NDUFA10: variants seen among roughly 807,000 people sequenced by gnomAD.
NDUFA10 encodes NADH:ubiquinone oxidoreductase subunit A10, also known as NADH dehydrogenase [ubiquinone] 1 alpha subcomplex subunit 10, mitochondrial.
In NDUFA10, 40 loss-of-function variants were observed where a neutral mutation model predicts 47.8. That is an observed-to-expected ratio of 0.84 (90% confidence interval 0.65 to 1.09). The LOEUF (loss-of-function observed/expected upper bound fraction) is 1.09. NDUFA10 is among the 50% of genes least tolerant of loss of function. The pLI is 0.00. For synonymous variants in NDUFA10, 183 were observed against 172.2 expected, an observed-to-expected ratio of 1.06 and a Z score of -0.49; for missense variants, 413 against 451.1, an observed-to-expected ratio of 0.92 and a Z score of 0.76.
At chr2:240,015,226 C>T (rs1333452688) in intron 4 of NDUFA10, among the ~76,000 whole-genome samples, 1 of 152,234 alleles carries the variant, frequency 6.6e-6, no homozygotes, top group Admixed American at 6.5e-5. Context: ...AGATCTTTAG[C>T]ACATCTTAGC....
rs1693661647 is a variant in NDUFA10 at position 239,906,688 on chromosome 2, T to C, written c.295-11374A>G. On this transcript the variant is annotated intron_variant, in intron 4 of 5. Coordinates refer to the NDUFA10 transcript ENST00000419408. This position sits in a 1 kb window ranked among gnomAD's most constrained non-coding sequence, Gnocchi z 4.3. Reference sequence around the variant, plus strand: ...ACCCAACCCTAAAGGTGCCTCCTCCTTTCTTCTTGATGAAAAGGTGTGCTG... The same window carrying C: ...ACCCAACCCTAAAGGTGCCTCCTCCCTTCTTCTTGATGAAAAGGTGTGCTG... Among the ~76,000 whole-genome samples, 1 of 152,178 alleles carries C rather than the reference T, an allele frequency of 6.6e-6. No homozygotes were observed. Among genetic ancestry groups the C allele is most frequent in the African/African-American group, 2.4e-5 (1 of 41,448 alleles).
At chr2:239,984,978 G>A (rs1695938416) in intron 9 of NDUFA10, among the ~76,000 whole-genome samples, 1 of 152,330 alleles carries the variant, frequency 6.6e-6, no homozygotes, top group Admixed American at 6.5e-5. Flanking sequence ...CAAAACGGAA[G>A]CCCAGCGTCA....
At chr2:239,917,664 C>T (rs1559279904) in intron 4 of NDUFA10, among the ~76,000 whole-genome samples, 2 of 152,334 alleles carry the variant, frequency 1.3e-5, no homozygotes, top group South Asian at 4.1e-4. Context: ...CCTCTGTATC[C>T]TTGCTTCCAC....
chr2:239,954,175 CTG>C (rs1274346839), downstream of NDUFA10, among the ~76,000 whole-genome samples: 2 of 147,118 alleles, frequency 1.4e-5, no homozygotes, highest in African/African-American at 5.2e-5. Flanking sequence ...TGCCTCAGGG[CTG>C]TGAGACTGGG....
At chr2:239,935,337 A>G (rs1434033827) in intron 4 of NDUFA10, among the ~76,000 whole-genome samples, 2 of 152,202 alleles carry the variant, frequency 1.3e-5, no homozygotes, top group African/African-American at 4.8e-5. Flanking sequence ...CCACTTTTGT[A>G]ATGTGGATGG....
At chr2:239,900,656 G>GGGT (rs1220147997) in intron 4 of NDUFA10, among the ~76,000 whole-genome samples, 1 of 152,104 alleles carries the variant, frequency 6.6e-6, no homozygotes, top group East Asian at 1.9e-4. Context: ...TGACACTGAT[G>GGGT]GGTGGGTGTA....
In NDUFA10 at chr2:239,960,473, G is replaced by C; in HGVS notation, c.*645C>G. 1.0e-6 allele frequency: 1 copy of C among 989,968 alleles called. No homozygotes were observed. Among genetic ancestry groups the C allele is most frequent in the Admixed American group, 5.7e-5 (1 of 17,518 alleles). The allele number at this position is 989,968 out of a possible 1,614,324, so 61.3% of individuals were successfully genotyped here. A position where few individuals can be genotyped will look rare whatever the true frequency, so the allele number is the denominator to read the frequency against. On this transcript the variant is annotated 3_prime_UTR_variant, in exon 10 of 10. Transcript: ENST00000252711. ...TTTGAGACGCTGAGGACGGCCACGT[G>C]AATCTTTCTCAACGTCTCTCTTAAA...
chr2:240,002,737 T>C (rs1370740728), intron 8 of NDUFA10, among the ~76,000 whole-genome samples: 1 of 152,118 alleles, frequency 6.6e-6, no homozygotes, highest in South Asian at 2.1e-4. Flanking sequence ...AGAAAACTGA[T>C]TTTGCAAATA....
In NDUFA10 at chr2:239,894,687, C is replaced by T. The variant is rs67432272; in HGVS notation, c.*14+518G>A. Among the ~76,000 whole-genome samples, 9 of 152,074 alleles carry T rather than the reference C, an allele frequency of 5.9e-5. No individual in the cohort carries two copies. In the East Asian group the frequency reaches 1.3e-3, roughly 23 times the overall value. Reference sequence around the variant, plus strand: ...GCCAATGCCCCCTCCTGCATTCCTCCGTCTCTGTGGCTGTCCCTTCTGACC... The same window carrying T: ...GCCAATGCCCCCTCCTGCATTCCTCTGTCTCTGTGGCTGTCCCTTCTGACC... On this transcript the variant is annotated intron_variant, in intron 5 of 5. Coordinates refer to the NDUFA10 transcript ENST00000419408.
intron 4 of NDUFA10, among the ~76,000 whole-genome samples, chr2:239,944,959 G>A (rs1694421363): frequency 6.6e-6 from 1 of 152,146 alleles, no homozygotes; most frequent in South Asian, 2.1e-4. Flanking sequence ...CCCGCGCCCA[G>A]AGCTCATCTC....
In NDUFA10 at chr2:240,011,707, G is replaced by T; in HGVS notation, c.670-11C>A. ...CTTCATTTCATGTGGCTAAACAGAAGCAGAAAAATCAAACTGGGAAACATT... is the reference window on the plus strand; with the variant it reads ...CTTCATTTCATGTGGCTAAACAGAATCAGAAAAATCAAACTGGGAAACATT... On this transcript the variant is annotated splice_polypyrimidine_tract_variant and intron_variant, in intron 5 of 9. Coordinates refer to ENST00000252711, the MANE Select transcript of NDUFA10 (RefSeq NM_004544.4). 1 of 1,603,958 alleles carries T rather than the reference G, an allele frequency of 6.2e-7. No individual in the cohort carries two copies. Among genetic ancestry groups the T allele is most frequent in the Non-Finnish European group, 8.5e-7 (1 of 1,170,746 alleles).
intron 6 of NDUFA10, among the ~76,000 whole-genome samples, chr2:240,008,942 C>A (rs1697043337): frequency 6.6e-6 from 1 of 152,236 alleles, no homozygotes; most frequent in African/African-American, 2.4e-5. Flanking sequence ...CTCATTCCCA[C>A]TGCCTTGTGA....
intron 6 of NDUFA10, among the ~76,000 whole-genome samples, chr2:240,008,127 A>G (rs1386178020): frequency 6.6e-6 from 1 of 152,202 alleles, no homozygotes; most frequent in Non-Finnish European, 1.5e-5. Flanking sequence ...ATTAAGTCTC[A>G]TCATTACTGA....
rs1694809973 is a variant in NDUFA10 at position 239,960,557 on chromosome 2, CTTAT to C, written c.*557_*560del. The C allele has an allele frequency of 1.0e-6, 1 of 998,322 alleles. No individual in the cohort carries two copies. The highest frequency in any genetic ancestry group is 9.8e-5 in the East Asian group (1 of 10,196). The allele number at this position is 998,322 out of a possible 1,614,324, so 61.8% of individuals were successfully genotyped here. A position where few individuals can be genotyped will look rare whatever the true frequency, so the allele number is the denominator to read the frequency against. On this transcript the variant is annotated 3_prime_UTR_variant, in exon 10 of 10. Transcript: ENST00000252711. ...CCTTTTGCTATTTCTTCTTCACGTTCTTATTTTTTCTACTCTAATGTAGCACATT... is the reference window on the plus strand; with the variant it reads ...CCTTTTGCTATTTCTTCTTCACGTTCTTTTTCTACTCTAATGTAGCACATT...
intron 4 of NDUFA10, among the ~76,000 whole-genome samples, chr2:239,919,078 C>A (rs902441054): frequency 7.2e-5 from 11 of 152,188 alleles, no homozygotes; most frequent in African/African-American, 2.7e-4. Context: ...GGTCTAAGCA[C>A]CATCTTGGGA....
At chr2:239,949,838 C>CT (rs1177459127) in intron 4 of NDUFA10, among the ~76,000 whole-genome samples, 1 of 152,168 alleles carries the variant, frequency 6.6e-6, no homozygotes, top group African/African-American at 2.4e-5. Flanking sequence ...GCACCACTGG[C>CT]TCTCCTGGGT....
chr2:239,932,865 G>A (rs1694200143), intron 4 of NDUFA10, among the ~76,000 whole-genome samples: 1 of 152,214 alleles, frequency 6.6e-6, no homozygotes, highest in East Asian at 1.9e-4. Flanking sequence ...ACAGGTGTGA[G>A]CCACCGCGCC....
At position 239,999,522 on chromosome 2, in the gene NDUFA10, TAGCAGC is replaced by T. The variant is rs1342419159; in HGVS notation, c.890+5682_890+5687del. On this transcript the variant is annotated intron_variant, in intron 8 of 9. Coordinates refer to ENST00000252711, the MANE Select transcript of NDUFA10 (RefSeq NM_004544.4). ...ATCTGATGCTGGACAGCCTCTTCCA[TAGCAGC>T]AGCAGCAGCAGCTCTGGACTCCAAA... 2.6e-5 allele frequency among the ~76,000 whole-genome samples: 4 copies of T among 152,186 alleles called. No homozygotes were observed. The South Asian group carries it at 8.3e-4, about 32-fold the overall frequency.
At position 239,945,908 on chromosome 2, in the gene NDUFA10, T is replaced by C. The variant is rs1395690405; in HGVS notation, c.294+44166A>G. 6.6e-6 allele frequency among the ~76,000 whole-genome samples: 1 copy of C among 151,786 alleles called. No individual in the cohort carries two copies. Among genetic ancestry groups the C allele is most frequent in the African/African-American group, 2.4e-5 (1 of 41,292 alleles). On this transcript the variant is annotated intron_variant, in intron 4 of 5. Transcript: ENST00000419408. The surrounding 1 kb of genome is among the most constrained non-coding windows in gnomAD (Gnocchi z 4.6). ...AACCCAGGTGCCTGGAGCAGGAGGGTGGAAGACACTGCGCTGAGAATGGGA... is the reference window on the plus strand; with the variant it reads ...AACCCAGGTGCCTGGAGCAGGAGGGCGGAAGACACTGCGCTGAGAATGGGA...
Sources: gnomAD v4.1 joint callset for allele counts (sites outside exome capture counted in the v4.1 genomes callset) on GRCh38, gnomAD v4.1.1 for gene constraint, Gnocchi (gnomAD v3.1) non-coding constraint, MANE v1.5 for transcripts, NCBI Gene and HGNC (gene_info 2026-07-23, HGNC 2026-07-21) for gene names.